LARGE1: variants seen among roughly 807,000 people sequenced by gnomAD.
The protein encoded by LARGE1 is LARGE xylosyl- and glucuronyltransferase 1.
A neutral mutation model predicts 87.6 loss-of-function variants in LARGE1; 43 were observed. The ratio of observed to expected loss-of-function variants is 0.49; its 90% confidence interval spans 0.38 to 0.63. LARGE1 has a LOEUF of 0.63. Ranked by LOEUF, LARGE1 falls within the 30% of genes least tolerant of loss-of-function variation. The probability of loss-of-function intolerance (pLI) is 0.00; values close to 1 mark genes in which losing one functional copy is unlikely to be tolerated. For synonymous variants in LARGE1, 434 were observed against 394.6 expected (o/e 1.10, Z -1.18); for missense variants, 802 against 1,000.2 (o/e 0.80, Z 2.67).
At chr22:33,092,471 A>C in the LARGE1 span, among the ~76,000 whole-genome samples, 1 of 152,042 alleles carries the variant, frequency 6.6e-6, no homozygotes, top group Non-Finnish European at 1.5e-5. Context: ...ATTTTATTTT[A>C]TTTTAAGTTC....
the LARGE1 span, among the ~76,000 whole-genome samples, chr22:33,106,293 A>T: frequency 1.3e-5 from 2 of 152,164 alleles, no homozygotes; most frequent in African/African-American, 4.8e-5. Flanking sequence ...AGCAGGTGAG[A>T]GTATGAGTAG....
chr22:33,770,583 G>A (rs1389751504), intron 1 of LARGE1, among the ~76,000 whole-genome samples: 3 of 152,096 alleles, frequency 2.0e-5, no homozygotes, highest in African/African-American at 7.2e-5. Context: ...TACTCCGGAG[G>A]CTGAGGGAGG....
intron 11 of LARGE1, among the ~76,000 whole-genome samples, chr22:33,253,121 G>A (rs577778478): frequency 6.6e-6 from 1 of 152,302 alleles, no homozygotes; most frequent in African/African-American, 2.4e-5. Flanking sequence ...TGGAGACAGC[G>A]AATCAGGCTG....
chr22:33,913,782 T>G (rs1231410197), intron 1 of LARGE1, among the ~76,000 whole-genome samples: 1 of 151,992 alleles, frequency 6.6e-6, no homozygotes, highest in Non-Finnish European at 1.5e-5. Flanking sequence ...TCTCTTGACT[T>G]CGTGATCCAC....
chr22:33,868,019 T>C (rs1174799957), intron 1 of LARGE1, among the ~76,000 whole-genome samples: 4 of 152,182 alleles, frequency 2.6e-5, no homozygotes, highest in Admixed American at 2.6e-4. Context: ...TGTAATCTCT[T>C]GCAGCACACT....
rs187135008 is a variant in LARGE1, at chr22:33,882,696, C to A, written c.-83+37299G>T. On this transcript the variant is annotated intron_variant, in intron 1 of 14. Transcript: ENST00000397394. ...TAAAAGGATGCACTGAATTACCTCA[C>A]TTCAGCATGTCTAGGAAACCTGTGA... Among the ~76,000 whole-genome samples the A allele has an allele frequency of 2.3e-3, 358 of 152,348 alleles. 1 individual carries two copies. The highest frequency in any genetic ancestry group is 8.3e-3 in the African/African-American group (344 of 41,586).
At chr22:33,168,195 G>A (rs1374470487) in intron 11 of LARGE1, among the ~76,000 whole-genome samples, 2 of 152,148 alleles carry the variant, frequency 1.3e-5, no homozygotes, top group East Asian at 3.9e-4. Context: ...ACAACCAGCT[G>A]CCAGCAACAA....
chr22:33,111,064 CTA>C, the LARGE1 span, among the ~76,000 whole-genome samples: 1 of 152,236 alleles, frequency 6.6e-6, no homozygotes, highest in South Asian at 2.1e-4. Flanking sequence ...ATAAAAGACA[CTA>C]AGCCTTTTAT....
intron 1 of LARGE1, among the ~76,000 whole-genome samples, chr22:33,819,336 T>G (rs1477224330): frequency 5.9e-5 from 9 of 152,158 alleles, no homozygotes; most frequent in Admixed American, 5.9e-4. Flanking sequence ...ATTCCACACA[T>G]ATGAATGCTC....
intron 1 of LARGE1, among the ~76,000 whole-genome samples, chr22:33,878,765 G>A (rs2064565400): frequency 6.6e-6 from 1 of 152,064 alleles, no homozygotes; most frequent in African/African-American, 2.4e-5. Flanking sequence ...CATCACCCCA[G>A]GAAAGACTCC....
chr22:33,142,360 G>T, the LARGE1 span, among the ~76,000 whole-genome samples: 5 of 152,038 alleles, frequency 3.3e-5, no homozygotes, highest in African/African-American at 1.2e-4. Flanking sequence ...CAAACCCCTT[G>T]TTAAATTTCT....
At chr22:33,419,455 G>A (rs757382378) in intron 7 of LARGE1, among the ~76,000 whole-genome samples, 6 of 151,872 alleles carry the variant, frequency 4.0e-5, no homozygotes, top group Non-Finnish European at 7.4e-5. Flanking sequence ...CGCCTGCTTG[G>A]TGGCCTTTGC....
At chr22:33,333,645 T>C (rs1938034796) in intron 10 of LARGE1, among the ~76,000 whole-genome samples, 2 of 152,240 alleles carry the variant, frequency 1.3e-5, no homozygotes, top group South Asian at 4.1e-4. Flanking sequence ...ATTCACTCAA[T>C]AAATATTTAT....
chr22:33,290,218 TC>T (rs1932283699), intron 12 of LARGE1, among the ~76,000 whole-genome samples: 1 of 151,914 alleles, frequency 6.6e-6, no homozygotes, highest in Non-Finnish European at 1.5e-5. Context: ...TAGAGGCAGG[TC>T]CCTGTAACCA....
In LARGE1 at chr22:33,402,469, A is replaced by G. The variant is rs565975150; in HGVS notation, c.893-18165T>C. Among the ~76,000 whole-genome samples the G allele has an allele frequency of 1.1e-3, 167 of 152,276 alleles. 1 individual carries two copies. Among genetic ancestry groups the G allele is most frequent in the African/African-American group, 3.9e-3 (163 of 41,542 alleles). ...ACAGCAAGAATACAGTCACCTCCCCAGTGCACACTTTGATGACCTGGGGCA... is the reference window on the plus strand; with the variant it reads ...ACAGCAAGAATACAGTCACCTCCCCGGTGCACACTTTGATGACCTGGGGCA... On this transcript the variant is annotated intron_variant, in intron 7 of 14. Transcript: ENST00000397394.
intron 11 of LARGE1, among the ~76,000 whole-genome samples, chr22:33,253,691 G>A (rs939822333): frequency 5.9e-5 from 9 of 152,190 alleles, no homozygotes; most frequent in African/African-American, 9.6e-5. Flanking sequence ...CAGCCTGGAC[G>A]ACAGAGCGAG....
At chr22:33,402,585 T>C (rs537467841) in intron 7 of LARGE1, among the ~76,000 whole-genome samples, 1 of 152,328 alleles carries the variant, frequency 6.6e-6, no homozygotes, top group African/African-American at 2.4e-5. Flanking sequence ...TGCTCTGTGC[T>C]TTATGGTACT....
intron 1 of LARGE1, among the ~76,000 whole-genome samples, chr22:33,832,585 G>A (rs73406612): frequency 0.052 from 7,968 of 152,266 alleles, 698 homozygotes; most frequent in African/African-American, 0.18. Context: ...AGTCAGGAAG[G>A]GTCGATTAAG....
chr22:33,795,841 G>T (rs2085962125), intron 1 of LARGE1, among the ~76,000 whole-genome samples: 1 of 151,956 alleles, frequency 6.6e-6, no homozygotes, highest in Non-Finnish European at 1.5e-5. Context: ...ACACACTGGG[G>T]TCTGTCGTGG....
Sources: allele counts gnomAD v4.1 joint callset (sites outside exome capture counted in the v4.1 genomes callset), GRCh38; gene constraint gnomAD v4.1.1; transcripts MANE v1.5; gene names NCBI Gene and HGNC (gene_info 2026-07-23, HGNC 2026-07-21).